Variants in SLC26A6 observed in about 807,000 individuals in gnomAD.
The protein encoded by SLC26A6 is anion exchange transporter.
In SLC26A6, 67 loss-of-function variants were observed where a neutral mutation model predicts 87.1. The observed-to-expected ratio is 0.77, with a 90% CI of 0.63 to 0.94. The LOEUF (loss-of-function observed/expected upper bound fraction) is 0.94, where lower values mean the gene tolerates loss of function less well. Ranked by LOEUF, SLC26A6 falls within the 40% of genes least tolerant of loss-of-function variation. SLC26A6 has a pLI of 0.00. For missense variants in SLC26A6, 902 were observed against 973.0 expected (o/e 0.93, Z 0.97); for synonymous variants, 414 against 405.9 (o/e 1.02, Z -0.24).
rs1559463349 is a variant in SLC26A6 at position 48,626,269 on chromosome 3, A to G, written c.2214T>C (p.Ala738=). The change falls in exon 20 of 21, where the codon GCT becomes GCC. Residue 738 remains alanine (A), a synonymous_variant. Coordinates refer to ENST00000395550, the MANE Select transcript of SLC26A6 (RefSeq NM_022911.3). ...TCGGGTGTTGGAGGGCAAAGGTGAC[A>G]GCATCATGGACAGAGGCAAAGAGAT... The part of the protein sequence containing the change: ...KKHLFASVHD[A]VTFALQHPRP... 6 of 1,614,054 alleles carry G rather than the reference A, an allele frequency of 3.7e-6. No homozygotes were observed. The highest frequency in any genetic ancestry group is 5.1e-6 in the Non-Finnish European group (6 of 1,180,006).
At position 48,632,280 on chromosome 3, in the gene SLC26A6, C is replaced by A; in HGVS notation, c.550G>T (p.Ala184Ser). The change falls in exon 5 of 21, where the codon GCC (alanine) becomes TCC (serine). Residue 184 changes from alanine to serine, a missense_variant. By Grantham distance (99) the Ala-to-Ser change is moderately conservative. Around this residue, in one of 3 missense-constraint regions of SLC26A6, gnomAD observed 800 missense variants for 856.8 expected, o/e 0.93. Coordinates refer to ENST00000395550, the MANE Select transcript of SLC26A6 (RefSeq NM_022911.3). ...TARDAARVQV[A>S]STLSVLVGLF... Reference sequence around the variant, plus strand: ...CCAACCAGGACACTGAGTGTGGAGGCCACCTGTACCCGGGCAGCATCTCTG... The same window carrying A: ...CCAACCAGGACACTGAGTGTGGAGGACACCTGTACCCGGGCAGCATCTCTG... 6.2e-7 allele frequency: 1 copy of A among 1,611,364 alleles called. No individual in the cohort carries two copies. The highest frequency in any genetic ancestry group is 8.5e-7 in the Non-Finnish European group (1 of 1,178,768).
At position 48,629,966 on chromosome 3, in the gene SLC26A6, C is replaced by T; in HGVS notation, c.1435G>A (p.Val479Met). ...ANRADLLIWLVTFTATILLNL... is the reference protein window; with the variant it reads ...ANRADLLIWLMTFTATILLNL... ...AGCAAGATGGTGGCCGTGAAGGTCACCAGCCAGATAAGCTGAGAACAGAGG... is the reference window on the plus strand; with the variant it reads ...AGCAAGATGGTGGCCGTGAAGGTCATCAGCCAGATAAGCTGAGAACAGAGG... The change falls in exon 13 of 21, where the codon GTG (valine) becomes ATG (methionine). Residue 479 changes from valine to methionine, a missense_variant. Val to Met is a conservative substitution (Grantham distance 21). This residue lies in a region of SLC26A6 where 800 missense variants were observed against 856.8 expected (regional missense o/e 0.93). Coordinates refer to ENST00000395550, the MANE Select transcript of SLC26A6 (RefSeq NM_022911.3). 2 of 1,614,104 alleles carry T rather than the reference C, an allele frequency of 1.2e-6. No homozygotes were observed. The highest frequency in any genetic ancestry group is 1.7e-6 in the Non-Finnish European group (2 of 1,180,026).
chr3:48,629,593 T>C, intron 14 of SLC26A6, 49 bp downstream of exon 14: 1 of 1,545,174 alleles, frequency 6.5e-7, no homozygotes, highest in Non-Finnish European at 8.7e-7. Flanking sequence ...AGGCTCATTC[T>C]TCCTCCGTCT....
At chr3:48,630,260 C>T (rs2046747201) in intron 11 of SLC26A6, 103 bp from the exon 12 acceptor site, 1 of 1,396,956 alleles carries the variant, frequency 7.2e-7, no homozygotes, top group Admixed American at 1.9e-5. Flanking sequence ...TCAGGCAGTA[C>T]CCCAGACACA....
At position 48,631,158 on chromosome 3, in the gene SLC26A6, G is replaced by C. The variant is rs143217777; in HGVS notation, c.987-18C>G. 18 of 1,613,752 alleles carry C rather than the reference G, an allele frequency of 1.1e-5. No homozygotes were observed. The highest frequency in any genetic ancestry group is 1.6e-4 in the Middle Eastern group (1 of 6,062). On this transcript the variant is annotated intron_variant, in intron 8 of 20. Coordinates refer to ENST00000395550, the MANE Select transcript of SLC26A6 (RefSeq NM_022911.3). ...GCACCAGCCTGTGAGAGGTATCTGT[G>C]AGGCCAAAGCAAGGTCCTGTCCTGG...
Position 48,631,231 on chromosome 3 carries a change from G to T in SLC26A6, c.979C>A (p.Pro327Thr), listed in dbSNP as rs2046781875. The T allele has an allele frequency of 6.2e-7, 1 of 1,611,198 alleles. No homozygotes were observed. Residue 327 changes from proline (P) to threonine (T), a missense_variant, in exon 8 of 21, where the codon CCT becomes ACT. Around this residue, in one of 3 missense-constraint regions of SLC26A6, gnomAD observed 800 missense variants for 856.8 expected, o/e 0.93. Transcript: ENST00000395550. ...RFEVDVVGNI[P>T]AGLVPPVAPN... ...ATGGAGGCCAGAGCTCACCCTGCAG[G>T]GATGTTGCCCACGACATCTACCTCA...
chr3:48,629,676 G>T lies in SLC26A6; in HGVS notation c.1565C>A (p.Thr522Lys), dbSNP rs533427147. 1 of 1,613,450 alleles carries T rather than the reference G, an allele frequency of 6.2e-7. No individual in the cohort carries two copies. Among genetic ancestry groups the T allele is most frequent in the Non-Finnish European group, 8.5e-7 (1 of 1,179,708 alleles). ...CTCTGCCACATCTCTGTAAATATCC[G>T]TGTCTGGCACCTGCCCCAGGACAGA... ...HYSVLGQVPD[T>K]DIYRDVAEYS... is the part of the protein sequence containing the mutation. The change falls in exon 14 of 21, where the codon ACG becomes AAG. Residue 522 changes from threonine to lysine, a missense_variant. By Grantham distance (78) the Thr-to-Lys change is moderately conservative (BLOSUM62 -1). Transcript: ENST00000395550.
chr3:48,630,780 C>T (rs2046764684), intron 9 of SLC26A6, 60 bp from the exon 10 acceptor site: 1 of 1,542,816 alleles, frequency 6.5e-7, no homozygotes, highest in Admixed American at 1.9e-5. Flanking sequence ...CACTGTTCCA[C>T]TGTATCTAGG....
chr3:48,626,858 G>C lies in SLC26A6; in HGVS notation c.2073+18C>G. On this transcript the variant is annotated intron_variant, in intron 18 of 20. Coordinates refer to ENST00000395550, the MANE Select transcript of SLC26A6 (RefSeq NM_022911.3). ...CAGTGTGGAAGCTCGAGGGGCCTTG[G>C]CCTGCCCCCGTCCTTACATTCTTCA... The C allele has an allele frequency of 1.9e-6, 3 of 1,610,220 alleles. No homozygotes were observed. Among genetic ancestry groups the C allele is most frequent in the Non-Finnish European group, 2.5e-6 (3 of 1,178,016 alleles).
chr3:48,626,109 C>G, intron 20 of SLC26A6, 109 bp from the exon 21 acceptor site: 2 of 1,611,536 alleles, frequency 1.2e-6, no homozygotes, highest in Non-Finnish European at 1.7e-6. Context: ...ACTGGGCCCA[C>G]TGGGGACAGA....
chr3:48,631,337 G>A (rs778588896), intron 7 of SLC26A6, 31 bp from the exon 8 acceptor site: 10 of 1,534,634 alleles, frequency 6.5e-6, no homozygotes, highest in East Asian at 2.3e-5. Flanking sequence ...AGGGAGGCAG[G>A]TGCTGGCACC....
intron 3 of SLC26A6, 53 bp from the exon 4 acceptor site, chr3:48,633,137 A>G (rs1176268303): frequency 1.3e-6 from 2 of 1,586,918 alleles, no homozygotes; most frequent in Admixed American, 1.8e-5. Context: ...TTGAAACGAT[A>G]AGGGAATCCC....
intron 4 of SLC26A6, 83 bp from the exon 5 acceptor site, chr3:48,632,479 A>G: frequency 6.6e-7 from 1 of 1,522,746 alleles, no homozygotes; most frequent in South Asian, 1.2e-5. Flanking sequence ...AGAGGCCAGG[A>G]GACTTCCAGT....
intron 14 of SLC26A6, among the ~76,000 whole-genome samples, chr3:48,629,054 C>G (rs942659611): frequency 5.3e-5 from 8 of 152,164 alleles, no homozygotes; most frequent in Admixed American, 2.0e-4. Context: ...AGACCTTCCC[C>G]GCTCCCACCC....
At chr3:48,630,895 C>A in intron 9 of SLC26A6, 98 bp downstream of exon 9, 4 of 1,568,506 alleles carry the variant, frequency 2.6e-6, no homozygotes, top group Non-Finnish European at 3.5e-6. Flanking sequence ...GGCCTCAGCA[C>A]ATCTGCTGTC....
At chr3:48,627,822 C>T in intron 17 of SLC26A6, 124 bp downstream of exon 17, 2 of 827,676 alleles carry the variant, frequency 2.4e-6, no homozygotes, top group Middle Eastern at 3.5e-4. Context: ...CCCCACTCCT[C>T]CTGCCATCGG....
chr3:48,630,176 C>A lies in SLC26A6; in HGVS notation c.1327-19G>T. On this transcript the variant is annotated intron_variant, in intron 11 of 20. Coordinates refer to ENST00000395550, the MANE Select transcript of SLC26A6 (RefSeq NM_022911.3). The stretch of plus-strand genomic sequence containing the variant: ...GGACCGCCTGGGGTGGGGACAGTGC[C>A]ACCAGGGGCCATTGAGGGCACCCGA... The A allele has an allele frequency of 6.2e-7, 1 of 1,601,152 alleles. No individual in the cohort carries two copies. The highest frequency in any genetic ancestry group is 8.5e-7 in the Non-Finnish European group (1 of 1,170,376).
Position 48,630,131 on chromosome 3 carries a change from C to T in SLC26A6, c.1353G>A (p.Val451=), listed in dbSNP as rs373794071. Residue 451 remains valine, a synonymous_variant, in exon 12 of 21, where the codon GTG becomes GTA. Coordinates refer to ENST00000395550, the MANE Select transcript of SLC26A6 (RefSeq NM_022911.3). ...PKAVLAAIII[V]NLKGMLRQLS... ...GCTGCCTCAGCATGCCCTTCAGGTT[C>T]ACAATGATGATGGCTGCCAGGACCG... is the stretch of plus-strand genomic sequence containing the variant. 2.7e-5 allele frequency: 44 copies of T among 1,609,646 alleles called. No homozygotes were observed. Among genetic ancestry groups the T allele is most frequent in the Non-Finnish European group, 3.4e-5 (40 of 1,176,810 alleles).
At chr3:48,629,212 T>G (rs901862033) in intron 14 of SLC26A6, among the ~76,000 whole-genome samples, 2 of 150,882 alleles carry the variant, frequency 1.3e-5, no homozygotes, top group Admixed American at 1.3e-4. Flanking sequence ...GGCAACAGCC[T>G]TGTTTTATTC....
Sources: allele counts gnomAD v4.1 joint callset (sites outside exome capture counted in the v4.1 genomes callset), GRCh38; gene constraint gnomAD v4.1.1; regional missense constraint gnomAD v4.1.1; transcripts MANE v1.5; gene names NCBI Gene and HGNC (gene_info 2026-07-23, HGNC 2026-07-21).